The following KATNIP variants were observed in gnomAD, a reference collection of about 807,000 sequenced individuals.
KATNIP encodes the protein katanin-interacting protein.
A neutral mutation model predicts 174.0 loss-of-function variants in KATNIP; 126 were observed. That is an observed-to-expected ratio of 0.72 (90% CI 0.63 to 0.84). The LOEUF (loss-of-function observed/expected upper bound fraction) is 0.84. Among genes scored for constraint, KATNIP ranks in the 40% least tolerant of loss-of-function variants. The probability of loss-of-function intolerance (pLI) is 0.00; values close to 1 mark genes in which losing one functional copy is unlikely to be tolerated. For synonymous variants in KATNIP, 810 were observed against 835.7 expected (o/e 0.97, Z 0.53); for missense variants, 1,958 against 2,109.7 (o/e 0.93, Z 1.41).
rs200936295 is a variant in KATNIP at position 27,708,855 on chromosome 16, G to T, written c.1540G>T (p.Asp514Tyr). Reference protein sequence around the residue: ...NDTKLYVSPHDVDIRNTATPG... With the variant: ...NDTKLYVSPHYVDIRNTATPG... ...CACAAAGCTTTATGTGTCGCCCCAC[G>T]ATGTGGATATCCGGAACACAGCCAC... is the stretch of plus-strand genomic sequence containing the variant. The change falls in exon 13 of 28, where the codon GAT (aspartate) becomes TAT (tyrosine). Residue 514 changes from aspartate to tyrosine, a missense_variant. Around this residue, in one of 3 missense-constraint regions of KATNIP, gnomAD observed 1,557 missense variants for 1,617.8 expected, o/e 0.96. Transcript: ENST00000261588. 1 of 1,614,020 alleles carries T rather than the reference G, an allele frequency of 6.2e-7. No homozygotes were observed. Among genetic ancestry groups the T allele is most frequent in the Non-Finnish European group, 8.5e-7 (1 of 1,180,038 alleles).
At chr16:27,701,378 CCTAGGAGCGCCCT>C (rs2079092258) in intron 10 of KATNIP, 198 bp from the exon 11 acceptor site, 2 of 482,316 alleles carry the variant, frequency 4.1e-6, no homozygotes, top group Admixed American at 3.2e-5. Context: ...TGGATTGTTT[CCTAGGAGCGCCCT>C]GGTCCTCGGA....
At chr16:27,563,522 T>C (rs541278687) in intron 1 of KATNIP, among the ~76,000 whole-genome samples, 1 of 151,444 alleles carries the variant, frequency 6.6e-6, no homozygotes, top group Non-Finnish European at 1.5e-5. Flanking sequence ...CTTCTCTAAA[T>C]ACAAAGAAGA....
At position 27,776,229 on chromosome 16, in the gene KATNIP, G is replaced by A. The variant is rs2082494037; in HGVS notation, c.4450-699G>A. ...CATATTCTGAGGATGGTCACAGGCTGGGGACCAGGGCCTGGGGCAGGACTG... is the reference window on the plus strand; with the variant it reads ...CATATTCTGAGGATGGTCACAGGCTAGGGACCAGGGCCTGGGGCAGGACTG... On this transcript the variant is annotated intron_variant, in intron 24 of 27. Transcript: ENST00000261588. This position sits in a 1 kb window ranked among gnomAD's most constrained non-coding sequence, Gnocchi z 4.7. Among the ~76,000 whole-genome samples the A allele has an allele frequency of 6.6e-6, 1 of 152,140 alleles. No individual in the cohort carries two copies. The highest frequency in any genetic ancestry group is 2.4e-5 in the African/African-American group (1 of 41,418).
chr16:27,699,664 G>GC, intron 10 of KATNIP, 65 bp downstream of exon 10: 1 of 1,607,548 alleles, frequency 6.2e-7, no homozygotes, highest in East Asian at 2.2e-5. Context: ...ATGGTGCCAG[G>GC]CAGAGATGAA....
Position 27,597,508 on chromosome 16 carries a change from G to A in KATNIP, c.64-20917G>A, listed in dbSNP as rs552271546. 3.5e-5 allele frequency among the ~76,000 whole-genome samples: 5 copies of A among 141,614 alleles called. No individual in the cohort carries two copies. The South Asian group carries it at 1.1e-3, about 32-fold the overall frequency. The allele number at this position is 141,614 out of a possible 152,430, so 92.9% of individuals were successfully genotyped here. A position where few individuals can be genotyped will look rare whatever the true frequency, so the allele number is the denominator to read the frequency against. On this transcript the variant is annotated intron_variant, in intron 2 of 27. Transcript: ENST00000261588. ...CTTGTAACTTGCCTATTCTCCCTGG[G>A]CTATGTGTCTTGGAGATCTGTGCTT...
chr16:27,689,064 G>A (rs2078623918), intron 8 of KATNIP, among the ~76,000 whole-genome samples: 1 of 152,214 alleles, frequency 6.6e-6, no homozygotes, highest in African/African-American at 2.4e-5. Context: ...CATAGGTGCT[G>A]TGAAGATCAT....
intron 12 of KATNIP, among the ~76,000 whole-genome samples, chr16:27,706,874 C>A (rs1285595670): frequency 6.6e-6 from 1 of 152,204 alleles, no homozygotes; most frequent in East Asian, 1.9e-4. Context: ...AACTCCCAGT[C>A]CCCTGGAGTC....
intron 1 of KATNIP, among the ~76,000 whole-genome samples, chr16:27,558,696 G>C (rs2089728950): frequency 6.6e-6 from 1 of 152,194 alleles, no homozygotes; most frequent in South Asian, 2.1e-4. Flanking sequence ...TTGCAGAGTT[G>C]AGTAGTTGTA....
At chr16:27,658,996 A>T (rs1441806373) in intron 6 of KATNIP, among the ~76,000 whole-genome samples, 1 of 151,630 alleles carries the variant, frequency 6.6e-6, no homozygotes, top group African/African-American at 2.4e-5. Context: ...CAAACTTCTA[A>T]CCTCAAGTGA....
intron 6 of KATNIP, among the ~76,000 whole-genome samples, chr16:27,655,205 TATATATATATATATATATATATA>T (rs2077235678): frequency 8.2e-6 from 1 of 122,490 alleles, no homozygotes. Context: ...TATATATATA[TATATATATATATATATATATATA>T]TTTTGTTTGT....
chr16:27,775,135 G>T, intron 24 of KATNIP, 51 bp downstream of exon 24: 1 of 1,580,172 alleles, frequency 6.3e-7, no homozygotes, highest in African/African-American at 1.4e-5. Context: ...GGCGGGCAGG[G>T]GGACTTTCTT....
At chr16:27,565,730 G>T (rs1246739192) in intron 1 of KATNIP, among the ~76,000 whole-genome samples, 1 of 151,238 alleles carries the variant, frequency 6.6e-6, no homozygotes, top group Non-Finnish European at 1.5e-5. Context: ...ACTGCAGTGA[G>T]CTATGATCAC....
At chr16:27,757,255 A>T (rs892716654) in intron 18 of KATNIP, among the ~76,000 whole-genome samples, 1 of 152,044 alleles carries the variant, frequency 6.6e-6, no homozygotes, top group African/African-American at 2.4e-5. Context: ...GCTAATTCAT[A>T]TGTCCATCCT....
At chr16:27,701,746 G>A in intron 11 of KATNIP, 51 bp downstream of exon 11, 1 of 1,250,286 alleles carries the variant, frequency 8.0e-7, no homozygotes, top group Non-Finnish European at 1.1e-6. Context: ...GTGCAGCCAT[G>A]GGGATCTTCT....
At chr16:27,653,916 T>A (rs2077190220) in intron 6 of KATNIP, among the ~76,000 whole-genome samples, 1 of 152,114 alleles carries the variant, frequency 6.6e-6, no homozygotes. Context: ...GCAATCCTCC[T>A]GCCTCAGCCT....
chr16:27,642,935 C>T (rs553970387), intron 5 of KATNIP, among the ~76,000 whole-genome samples: 2 of 152,192 alleles, frequency 1.3e-5, no homozygotes, highest in African/African-American at 2.4e-5. Context: ...TTCTTCAACA[C>T]GCCTGCTGGG....
At chr16:27,636,364 T>C (rs1412451055) in intron 5 of KATNIP, among the ~76,000 whole-genome samples, 1 of 152,216 alleles carries the variant, frequency 6.6e-6, no homozygotes, top group Admixed American at 6.5e-5. Flanking sequence ...TGGTTTATTA[T>C]CAGATTTAGG....
rs576979549 is a variant in KATNIP at position 27,567,499 on chromosome 16, C to G, written c.8-6402C>G. On this transcript the variant is annotated intron_variant, in intron 1 of 27. Coordinates refer to ENST00000261588, the MANE Select transcript of KATNIP (RefSeq NM_015202.5). ...AAATAAGCTGGATGTGGTAGCACAC[C>G]CTTGTGTTTTTTTTCTGTTTGTTTG... Among the ~76,000 whole-genome samples, 4 of 152,086 alleles carry G rather than the reference C, an allele frequency of 2.6e-5. No individual in the cohort carries two copies. In the South Asian group the frequency reaches 8.3e-4, roughly 32 times the overall value.
intron 6 of KATNIP, among the ~76,000 whole-genome samples, chr16:27,668,934 A>C (rs999883): frequency 0.012 from 1,839 of 152,272 alleles, 50 homozygotes; most frequent in African/African-American, 0.042. Flanking sequence ...TGAACCCAGG[A>C]GGTGGAGGTT....
Sources: allele counts gnomAD v4.1 joint callset (sites outside exome capture counted in the v4.1 genomes callset), GRCh38; gene constraint gnomAD v4.1.1; regional missense constraint gnomAD v4.1.1; non-coding constraint Gnocchi (gnomAD v3.1); transcripts MANE v1.5; gene names NCBI Gene and HGNC (gene_info 2026-07-23, HGNC 2026-07-21).